The following KCNN2 variants were observed in gnomAD, a reference collection of about 807,000 sequenced individuals.
KCNN2 encodes small conductance calcium-activated potassium channel protein 2.
KCNN2 carries 24 observed loss-of-function variants against 55.5 expected under a neutral mutation model. The observed-to-expected ratio is 0.43, with a 90% confidence interval of 0.31 to 0.61. The LOEUF (loss-of-function observed/expected upper bound fraction) is 0.61. KCNN2 is among the 20% of genes least tolerant of loss of function. KCNN2 has a pLI of 0.08. For missense variants in KCNN2, 754 were observed against 853.6 expected, an observed-to-expected ratio of 0.88 and a Z score of 1.45; for synonymous variants, 431 against 336.1, an observed-to-expected ratio of 1.28 and a Z score of -3.09.
intron 1 of KCNN2, among the ~76,000 whole-genome samples, chr5:114,086,653 G>C (rs987674659): frequency 6.6e-6 from 1 of 151,978 alleles, no homozygotes; most frequent in African/African-American, 2.4e-5. Flanking sequence ...CGATGTGTAA[G>C]AACCACATTT....
At position 114,362,981 on chromosome 5, in the gene KCNN2, C is replaced by G. The variant is rs967646810; in HGVS notation, c.842C>G (p.Ser281Cys). 1 of 1,590,846 alleles carries G rather than the reference C, an allele frequency of 6.3e-7. No homozygotes were observed. The highest frequency in any genetic ancestry group is 8.5e-7 in the Non-Finnish European group (1 of 1,174,352). ...VSSSAPEIVV[S>C]KPEHNNSNNL... ...TCCTCAGCCCCCGAGATCGTGGTGT[C>G]TAAGCCCGAGCACAACAACTCCAAC... is the stretch of plus-strand genomic sequence containing the variant. Residue 281 changes from serine (S) to cysteine (C), a missense_variant, in exon 1 of 8, where the codon TCT (serine) becomes TGT (cysteine). Physicochemically the swap from Ser to Cys is moderately radical, Grantham distance 112 (BLOSUM62 -1). This residue lies in a region of KCNN2 where 381 missense variants were observed against 259.1 expected (regional missense o/e 1.47). Transcript: ENST00000673685.
At chr5:114,355,039 A>T (rs116547271) in intron 2 of KCNN2, among the ~76,000 whole-genome samples, 140 of 152,310 alleles carry the variant, frequency 9.2e-4, no homozygotes, top group African/African-American at 3.2e-3. Flanking sequence ...GTTGCTGGTG[A>T]CATTGTTACA....
chr5:114,285,183 C>T (rs965448774), intron 2 of KCNN2, among the ~76,000 whole-genome samples: 25 of 146,378 alleles, frequency 1.7e-4, no homozygotes, highest in African/African-American at 6.3e-4. Flanking sequence ...ACTGGGGAGG[C>T]TGAGGCAGGA....
At chr5:114,243,217 G>T (rs1049850493) in intron 2 of KCNN2, among the ~76,000 whole-genome samples, 2 of 152,108 alleles carry the variant, frequency 1.3e-5, no homozygotes, top group Non-Finnish European at 2.9e-5. Context: ...AGAAAAAGAT[G>T]AATAAGAACC....
intron 2 of KCNN2, among the ~76,000 whole-genome samples, chr5:114,286,955 C>T (rs1428243535): frequency 6.6e-6 from 1 of 152,126 alleles, no homozygotes; most frequent in Admixed American, 6.6e-5. Flanking sequence ...TATTATCTTT[C>T]TCTTTATATT....
At chr5:114,280,801 G>A (rs1755608153) in intron 2 of KCNN2, among the ~76,000 whole-genome samples, 1 of 152,098 alleles carries the variant, frequency 6.6e-6, no homozygotes, top group African/African-American at 2.4e-5. Context: ...CATGGTTCAA[G>A]CTTTCCAGGG....
At chr5:114,281,266 C>T (rs1755617869) in intron 2 of KCNN2, among the ~76,000 whole-genome samples, 1 of 152,086 alleles carries the variant, frequency 6.6e-6, no homozygotes, top group Admixed American at 6.6e-5. Context: ...TTCTTTATCC[C>T]TGATGAATAT....
At chr5:114,495,827 C>A in intron 7 of KCNN2, 68 bp from the exon 8 acceptor site, 2 of 1,475,978 alleles carry the variant, frequency 1.4e-6, no homozygotes, top group Non-Finnish European at 1.9e-6. Flanking sequence ...AGAGCTAAAC[C>A]TCTGAGAGGT....
At chr5:114,395,160 C>T (rs1350126413) in intron 2 of KCNN2, among the ~76,000 whole-genome samples, 4 of 152,124 alleles carry the variant, frequency 2.6e-5, no homozygotes, top group Non-Finnish European at 4.4e-5. Flanking sequence ...GTTCTGCAGC[C>T]GAGCTCCTTC....
At chr5:114,106,240 C>G (rs1751480789) in intron 1 of KCNN2, among the ~76,000 whole-genome samples, 1 of 151,302 alleles carries the variant, frequency 6.6e-6, no homozygotes, top group Non-Finnish European at 1.5e-5. Flanking sequence ...GTACTTTACT[C>G]ATTCTATAGT....
chr5:114,464,662 A>AAAAT (rs1160579750), intron 4 of KCNN2, among the ~76,000 whole-genome samples: 1 of 152,190 alleles, frequency 6.6e-6, no homozygotes, highest in Non-Finnish European at 1.5e-5. Flanking sequence ...GCTAACTTTG[A>AAAAT]AAATAAGAAT....
chr5:114,448,977 A>G (rs1342814713), intron 3 of KCNN2, among the ~76,000 whole-genome samples: 4 of 152,180 alleles, frequency 2.6e-5, no homozygotes, highest in African/African-American at 9.7e-5. Flanking sequence ...CTGATACTAG[A>G]CATAGAGATG....
At chr5:114,255,666 TAGG>T (rs1288577079) in intron 2 of KCNN2, among the ~76,000 whole-genome samples, 2 of 152,034 alleles carry the variant, frequency 1.3e-5, no homozygotes, top group Admixed American at 1.3e-4. Flanking sequence ...GCCACAATAG[TAGG>T]AGAAGAGTTG....
chr5:114,492,886 G>GTT lies in KCNN2; in HGVS notation c.2019-507_2019-506dup, dbSNP rs35402367. 3.7e-3 allele frequency among the ~76,000 whole-genome samples: 547 copies of GTT among 147,824 alleles called. 1 individual carries two copies. Among genetic ancestry groups the GTT allele is most frequent in the African/African-American group, 0.012 (495 of 40,602 alleles). On this transcript the variant is annotated intron_variant, in intron 6 of 7. Coordinates refer to ENST00000673685, the MANE Select transcript of KCNN2 (RefSeq NM_021614.4). ...TTATATTGCTGCTGGTTGAATAAAA[G>GTT]TTTTTTTTTTTGTTAATAAGAATCT...
At chr5:114,149,501 C>T (rs1752471745) in intron 1 of KCNN2, among the ~76,000 whole-genome samples, 1 of 152,062 alleles carries the variant, frequency 6.6e-6, no homozygotes, top group Non-Finnish European at 1.5e-5. Flanking sequence ...CGTGATGCCG[C>T]CAATGCACTG....
At position 114,082,157 on chromosome 5, in the gene KCNN2, C is replaced by G. The variant is rs949201455; in HGVS notation, c.-271+25657C>G. On this transcript the variant is annotated intron_variant, in intron 1 of 10. Transcript: ENST00000512097. ...TCAGCCCAAGAGTTTGATACCAATC[C>G]TAGCATCATAGCAAGACTTAGGCCG... 3.3e-5 allele frequency among the ~76,000 whole-genome samples: 5 copies of G among 151,928 alleles called. No homozygotes were observed. The South Asian group carries it at 1.0e-3, about 32-fold the overall frequency.
At chr5:114,353,992 C>T (rs868087651) in intron 2 of KCNN2, among the ~76,000 whole-genome samples, 1 of 151,742 alleles carries the variant, frequency 6.6e-6, no homozygotes, top group Non-Finnish European at 1.5e-5. Flanking sequence ...GCTATTATTT[C>T]TTTGAATATT....
intron 2 of KCNN2, among the ~76,000 whole-genome samples, chr5:114,244,942 A>G (rs1754722265): frequency 6.6e-6 from 1 of 152,212 alleles, no homozygotes. Flanking sequence ...ATAACAATGC[A>G]GGTGAAACTC....
chr5:114,353,411 A>C (rs1012890292), intron 2 of KCNN2, among the ~76,000 whole-genome samples: 39 of 151,944 alleles, frequency 2.6e-4, no homozygotes, highest in African/African-American at 9.2e-4. Context: ...AAATGTGTTA[A>C]ATTTCTATAT....
Sources: allele counts gnomAD v4.1 joint callset (sites outside exome capture counted in the v4.1 genomes callset), GRCh38; gene constraint gnomAD v4.1.1; regional missense constraint gnomAD v4.1.1; transcripts MANE v1.5; gene names NCBI Gene and HGNC (gene_info 2026-07-23, HGNC 2026-07-21).